The following C8orf34 variants were observed in gnomAD, a reference collection of about 807,000 sequenced individuals.
C8orf34 encodes uncharacterized protein C8orf34.
A neutral mutation model predicts 68.3 loss-of-function variants in C8orf34; 65 were observed. The observed-to-expected ratio is 0.95, with a 90% confidence interval of 0.78 to 1.17. The LOEUF (loss-of-function observed/expected upper bound fraction) is 1.17, where lower values mean the gene tolerates loss of function less well. C8orf34 is among the 50% of genes most tolerant of loss of function. C8orf34 has a pLI of 0.00. For missense variants in C8orf34, 664 were observed against 655.4 expected (o/e 1.01, Z -0.14); for synonymous variants, 244 against 241.2 (o/e 1.01, Z -0.11).
intron 2 of C8orf34, among the ~76,000 whole-genome samples, chr8:68,441,731 A>G (rs1810918682): frequency 6.6e-6 from 1 of 152,162 alleles, no homozygotes; most frequent in Admixed American, 6.5e-5. Flanking sequence ...TGGATCTTAT[A>G]TACTAGAATG....
rs1038514141 is a variant in C8orf34, at chr8:68,816,018, T to C, written c.1609+73T>C. On this transcript the variant is annotated intron_variant, in intron 13 of 13. Transcript: ENST00000518698. ...ACCTTCTAAAACTGCTCAGGATTTG[T>C]ATTAAAAAAGTACGTAGTCCTCATG... The C allele has an allele frequency of 4.3e-6, 7 of 1,610,388 alleles. No individual in the cohort carries two copies. In the African/African-American group the frequency reaches 8.0e-5, roughly 18 times the overall value.
chr8:68,499,158 TGTAA>T (rs1371280140), intron 5 of C8orf34, among the ~76,000 whole-genome samples: 2 of 152,184 alleles, frequency 1.3e-5, no homozygotes, highest in African/African-American at 4.8e-5. Flanking sequence ...AGCTCCCACT[TGTAA>T]GTGAGAACAT....
At position 68,534,685 on chromosome 8, in the gene C8orf34, C is replaced by A. The variant is rs150413438; in HGVS notation, c.1105+1536C>A. 1,235 of 985,296 alleles carry A rather than the reference C, an allele frequency of 1.3e-3. 8 individuals are homozygous for A. In the African/African-American group the frequency reaches 0.02, roughly 16 times the overall value. The allele number at this position is 985,296 out of a possible 1,614,324, so 61.0% of individuals were successfully genotyped here. ...GCTCACGTAGGTATGGGCTGTTTTGCGATTGTGCTCCATAACTATACCTGT... is the reference window on the plus strand; with the variant it reads ...GCTCACGTAGGTATGGGCTGTTTTGAGATTGTGCTCCATAACTATACCTGT... On this transcript the variant is annotated intron_variant, in intron 7 of 13. Coordinates refer to ENST00000518698, the MANE Select transcript of C8orf34 (RefSeq NM_052958.4).
intron 12 of C8orf34, among the ~76,000 whole-genome samples, chr8:68,807,517 C>G (rs1441838922): frequency 6.6e-6 from 1 of 151,962 alleles, no homozygotes; most frequent in Non-Finnish European, 1.5e-5. Context: ...CTACTTCTTT[C>G]TAAAATTCTA....
intron 1 of C8orf34, among the ~76,000 whole-genome samples, chr8:68,405,373 T>C (rs1215898941): frequency 6.6e-6 from 1 of 152,164 alleles, no homozygotes; most frequent in Non-Finnish European, 1.5e-5. Flanking sequence ...AAATAAAATA[T>C]TGTTATATCT....
chr8:68,356,709 G>A (rs1429797022), intron 1 of C8orf34, among the ~76,000 whole-genome samples: 1 of 151,900 alleles, frequency 6.6e-6, no homozygotes, highest in Non-Finnish European at 1.5e-5. Context: ...GAAGTTCTTA[G>A]CAACAATAAA....
chr8:68,505,549 G>A (rs1813973995), intron 5 of C8orf34, among the ~76,000 whole-genome samples: 1 of 103,126 alleles, frequency 9.7e-6, no homozygotes, highest in Non-Finnish European at 1.8e-5. Context: ...GGCTAACAAG[G>A]TGAAACCCCG....
Position 68,642,102 on chromosome 8 carries a change from C to G in C8orf34, c.1241+1591C>G, listed in dbSNP as rs566861114. Among the ~76,000 whole-genome samples, 13 of 152,300 alleles carry G rather than the reference C, an allele frequency of 8.5e-5. No individual in the cohort carries two copies. The East Asian group carries it at 2.5e-3, about 29-fold the overall frequency. On this transcript the variant is annotated intron_variant, in intron 8 of 13. Transcript: ENST00000518698. Reference sequence around the variant, plus strand: ...AATACAACCAATAGGTAGAAAAACACAGTTTGAAACTCAGGCAGCATAGGT... The same window carrying G: ...AATACAACCAATAGGTAGAAAAACAGAGTTTGAAACTCAGGCAGCATAGGT...
chr8:68,482,757 C>T (rs528464613), intron 4 of C8orf34, among the ~76,000 whole-genome samples: 13 of 152,212 alleles, frequency 8.5e-5, no homozygotes, highest in African/African-American at 3.1e-4. Context: ...GTAAATATTC[C>T]CACTATGGCT....
At chr8:68,796,528 G>A (rs528802814) in intron 12 of C8orf34, among the ~76,000 whole-genome samples, 2 of 152,078 alleles carry the variant, frequency 1.3e-5, no homozygotes, top group Non-Finnish European at 2.9e-5. Flanking sequence ...ATAAGTTTTG[G>A]TAAAGTCTGC....
intron 8 of C8orf34, among the ~76,000 whole-genome samples, chr8:68,708,551 G>A (rs1013459362): frequency 1.4e-4 from 21 of 152,176 alleles, no homozygotes; most frequent in Non-Finnish European, 1.8e-4. Flanking sequence ...CACAGGCCTT[G>A]AAGCTTAGGT....
In C8orf34 at chr8:68,501,828, G is replaced by A. The variant is rs114980934; in HGVS notation, c.765+13777G>A. The stretch of plus-strand genomic sequence containing the variant: ...ATTTGAATATAATCATCAATAGGAA[G>A]TTTCTGTATGCCCATAGCCAGAGCT... On this transcript the variant is annotated intron_variant, in intron 5 of 13. Transcript: ENST00000518698. Among the ~76,000 whole-genome samples the A allele has an allele frequency of 9.7e-3, 1,474 of 152,174 alleles. 25 individuals are homozygous for A. The highest frequency in any genetic ancestry group is 0.033 in the African/African-American group (1,383 of 41,512).
At chr8:68,332,620 G>A (rs1412732585) in intron 1 of C8orf34, among the ~76,000 whole-genome samples, 4 of 152,072 alleles carry the variant, frequency 2.6e-5, no homozygotes, top group African/African-American at 7.2e-5. Context: ...AAAAAAGGGC[G>A]CGGAGGACAA....
chr8:68,742,646 G>A (rs1366629066), intron 10 of C8orf34, among the ~76,000 whole-genome samples: 1 of 152,108 alleles, frequency 6.6e-6, no homozygotes, highest in African/African-American at 2.4e-5. Context: ...TTTTTCAATG[G>A]CAAACAAATG....
chr8:68,618,260 A>T (rs866645186), intron 7 of C8orf34, among the ~76,000 whole-genome samples: 1 of 152,084 alleles, frequency 6.6e-6, no homozygotes, highest in Non-Finnish European at 1.5e-5. Context: ...TAAGAATAAC[A>T]TTAGTTTATT....
At chr8:68,605,023 G>C (rs1817814046) in intron 7 of C8orf34, among the ~76,000 whole-genome samples, 1 of 151,896 alleles carries the variant, frequency 6.6e-6, no homozygotes, top group Admixed American at 6.6e-5. Flanking sequence ...GAAAACAAAG[G>C]ATCCAATTAA....
chr8:68,455,840 A>C (rs1811523620), intron 3 of C8orf34, among the ~76,000 whole-genome samples: 1 of 152,104 alleles, frequency 6.6e-6, no homozygotes, highest in African/African-American at 2.4e-5. Context: ...AAACCAAAAA[A>C]ATTTCTGAGT....
At chr8:68,495,652 A>T (rs1813493110) in intron 5 of C8orf34, among the ~76,000 whole-genome samples, 2 of 152,380 alleles carry the variant, frequency 1.3e-5, no homozygotes, top group South Asian at 4.1e-4. Flanking sequence ...ATTATTCACC[A>T]GTTTAACAGA....
chr8:68,704,795 G>C (rs993169094), intron 8 of C8orf34, among the ~76,000 whole-genome samples: 1 of 149,370 alleles, frequency 6.7e-6, no homozygotes, highest in African/African-American at 2.5e-5. Context: ...AAAATATTGA[G>C]AGCAACATGA....
Sources: gnomAD v4.1 joint callset for allele counts (sites outside exome capture counted in the v4.1 genomes callset) on GRCh38, gnomAD v4.1.1 for gene constraint, MANE v1.5 for transcripts, NCBI Gene and HGNC (gene_info 2026-07-23, HGNC 2026-07-21) for gene names.